Variants in ACVR1 observed in about 807,000 individuals in gnomAD.
The protein encoded by ACVR1 is activin receptor type-1.
Under a neutral mutation model 57.1 loss-of-function variants are expected in ACVR1, and 38 were observed. The observed-to-expected ratio is 0.67, with a 90% confidence interval of 0.51 to 0.87. The LOEUF (loss-of-function observed/expected upper bound fraction) is 0.87, where lower values mean the gene tolerates loss of function less well. Ranked by LOEUF, ACVR1 falls within the 40% of genes least tolerant of loss-of-function variation. The pLI is 0.00. For synonymous variants in ACVR1, 212 were observed against 228.1 expected, an observed-to-expected ratio of 0.93 and a Z score of 0.63; for missense variants, 463 against 638.2, an observed-to-expected ratio of 0.73 and a Z score of 2.96.
At position 157,741,082 on chromosome 2, in the gene ACVR1, T is replaced by A. The variant is rs965417089; in HGVS notation, c.1265-2512A>T. 2.6e-5 allele frequency among the ~76,000 whole-genome samples: 4 copies of A among 152,168 alleles called. No individual in the cohort carries two copies. In the South Asian group the frequency reaches 6.2e-4, roughly 24 times the overall value. On this transcript the variant is annotated intron_variant, in intron 9 of 10. Coordinates refer to ENST00000434821, the MANE Select transcript of ACVR1 (RefSeq NM_001111067.4). ...TTAAATGCTGAGAGTGATAAAAATA[T>A]AAGACATGCTCTTGTTTTCCAAGGA...
intron 2 of ACVR1, among the ~76,000 whole-genome samples, chr2:157,810,851 C>A (rs756952208): frequency 2.6e-5 from 4 of 152,214 alleles, no homozygotes; most frequent in Non-Finnish European, 5.9e-5. Flanking sequence ...AGTCTTCAGT[C>A]CACAGTGTTC....
At chr2:157,861,435 AC>A (rs1391600388) in intron 1 of ACVR1, among the ~76,000 whole-genome samples, 1 of 152,204 alleles carries the variant, frequency 6.6e-6, no homozygotes, top group African/African-American at 2.4e-5. Flanking sequence ...TCAGCAGGAG[AC>A]AGAATGAGAT....
chr2:157,780,319 A>G lies in ACVR1; in HGVS notation c.331+18T>C. On this transcript the variant is annotated intron_variant, in intron 4 of 10. Transcript: ENST00000434821. ...TAACAAAACCCCTTGATCTAGAAAT[A>G]GAAAAGTCCATGGGAACCTTTAGTG... The G allele has an allele frequency of 6.2e-7, 1 of 1,614,156 alleles. No individual in the cohort carries two copies. The highest frequency in any genetic ancestry group is 8.5e-7 in the Non-Finnish European group (1 of 1,180,008).
chr2:157,875,665 G>A (rs960123675), intron 1 of ACVR1, 131 bp downstream of exon 1: 2 of 152,214 alleles, frequency 1.3e-5, no homozygotes, highest in African/African-American at 4.8e-5. Flanking sequence ...GGGGAGAAAG[G>A]AATGAAAGCG....
At chr2:157,795,738 T>G (rs1687087254) in intron 3 of ACVR1, among the ~76,000 whole-genome samples, 1 of 151,066 alleles carries the variant, frequency 6.6e-6, no homozygotes, top group Non-Finnish European at 1.5e-5. Context: ...AAAGCAGGAT[T>G]AAAAAAAAAC....
intron 9 of ACVR1, among the ~76,000 whole-genome samples, chr2:157,753,506 C>A (rs779551856): frequency 6.6e-6 from 1 of 151,856 alleles, no homozygotes; most frequent in Non-Finnish European, 1.5e-5. Context: ...CCAGCCTGGG[C>A]GACAGAGCGA....
intron 2 of ACVR1, among the ~76,000 whole-genome samples, chr2:157,800,896 A>C (rs1486453731): frequency 6.6e-6 from 1 of 151,152 alleles, no homozygotes; most frequent in African/African-American, 2.4e-5. Context: ...CCCCTCCTCC[A>C]CCCCTCTCCA....
In ACVR1 at chr2:157,861,493, C is replaced by A. The variant is rs372438991; in HGVS notation, c.-183+14303G>T. Among the ~76,000 whole-genome samples, 4 of 152,240 alleles carry A rather than the reference C, an allele frequency of 2.6e-5. No homozygotes were observed. The East Asian group carries it at 7.7e-4, about 29-fold the overall frequency. On this transcript the variant is annotated intron_variant, in intron 1 of 10. Coordinates refer to ENST00000434821, the MANE Select transcript of ACVR1 (RefSeq NM_001111067.4). Reference sequence around the variant, plus strand: ...GTCCTATCACAAAGGAATAGCACCACGCATTTTTATACTATATAAAAATAA... The same window carrying A: ...GTCCTATCACAAAGGAATAGCACCAAGCATTTTTATACTATATAAAAATAA...
In ACVR1 at chr2:157,774,289, T is replaced by TC. The variant is rs1574048291; in HGVS notation, c.544-103dup. 3 of 890,452 alleles carry TC rather than the reference T, an allele frequency of 3.4e-6. No individual in the cohort carries two copies. In the East Asian group the frequency reaches 7.6e-5, roughly 23 times the overall value. The allele number at this position is 890,452 out of a possible 1,614,324, so 55.2% of individuals were successfully genotyped here. On this transcript the variant is annotated intron_variant, in intron 5 of 10. Coordinates refer to ENST00000434821, the MANE Select transcript of ACVR1 (RefSeq NM_001111067.4). The stretch of plus-strand genomic sequence containing the variant: ...TTGTAACTCACATGAAGGGCAGCAA[T>TC]CCGGGACACGTGGCCTGTTAGTGTA...
intron 3 of ACVR1, among the ~76,000 whole-genome samples, chr2:157,783,041 C>G (rs1304823625): frequency 6.6e-6 from 1 of 152,064 alleles, no homozygotes; most frequent in African/African-American, 2.4e-5. Context: ...GTATGGGCTG[C>G]TAAGAATAAC....
At chr2:157,865,354 T>C (rs1452322315) in intron 1 of ACVR1, among the ~76,000 whole-genome samples, 2 of 152,164 alleles carry the variant, frequency 1.3e-5, no homozygotes, top group African/African-American at 2.4e-5. Flanking sequence ...CCACACCACA[T>C]TGCTTCACAA....
At chr2:157,862,987 C>A (rs1024000760) in intron 1 of ACVR1, among the ~76,000 whole-genome samples, 1 of 147,710 alleles carries the variant, frequency 6.8e-6, no homozygotes, top group Non-Finnish European at 1.5e-5. Context: ...ATATATAAAC[C>A]TAACCGCTGC....
intron 1 of ACVR1, among the ~76,000 whole-genome samples, chr2:157,833,734 T>A (rs905221966): frequency 9.2e-5 from 14 of 152,254 alleles, no homozygotes; most frequent in African/African-American, 3.1e-4. Context: ...AGGGAAATGA[T>A]AATCTTCTGT....
At chr2:157,829,373 C>G (rs993358392) in intron 1 of ACVR1, among the ~76,000 whole-genome samples, 1 of 152,178 alleles carries the variant, frequency 6.6e-6, no homozygotes, top group African/African-American at 2.4e-5. Flanking sequence ...ACAACCCAGC[C>G]CAGGACCTCT....
At chr2:157,867,741 A>G (rs866935055) in intron 1 of ACVR1, among the ~76,000 whole-genome samples, 2 of 151,792 alleles carry the variant, frequency 1.3e-5, no homozygotes, top group Non-Finnish European at 1.5e-5. Flanking sequence ...AGGTATACTG[A>G]GCTCAGAGAC....
chr2:157,776,898 A>G (rs1017374446), intron 5 of ACVR1, among the ~76,000 whole-genome samples: 1 of 152,236 alleles, frequency 6.6e-6, no homozygotes, highest in Admixed American at 6.5e-5. Flanking sequence ...GCATTAAGTA[A>G]AACTGAATCA....
chr2:157,834,871 C>T (rs1688723735), intron 1 of ACVR1, among the ~76,000 whole-genome samples: 1 of 151,994 alleles, frequency 6.6e-6, no homozygotes. Flanking sequence ...ATAAGAGAGA[C>T]CCCAGATAGC....
At chr2:157,766,543 T>C (rs1387750313) in intron 7 of ACVR1, among the ~76,000 whole-genome samples, 2 of 152,226 alleles carry the variant, frequency 1.3e-5, no homozygotes, top group African/African-American at 4.8e-5. Flanking sequence ...AACAGACCAT[T>C]CATCAACCAT....
rs1685852376 is a variant in ACVR1 at position 157,766,131 on chromosome 2, G to GATA, written c.853_855dup (p.Tyr285dup). 1 of 1,613,982 alleles carries GATA rather than the reference G, an allele frequency of 6.2e-7. No homozygotes were observed. Among genetic ancestry groups the GATA allele is most frequent in the African/African-American group, 1.3e-5 (1 of 74,922 alleles). The stretch of plus-strand genomic sequence containing the variant: ...TAGTCGTACAACGATCCCATTTCAT[G>GATA]ATAATGTGTAATTAACCACAGCTGG... On this transcript the variant is annotated inframe_insertion, in exon 8 of 11. Transcript: ENST00000434821.
Sources: gnomAD v4.1 joint callset for allele counts (sites outside exome capture counted in the v4.1 genomes callset) on GRCh38, gnomAD v4.1.1 for gene constraint, MANE v1.5 for transcripts, NCBI Gene and HGNC (gene_info 2026-07-23, HGNC 2026-07-21) for gene names.